The following CSMD1 variants were observed in gnomAD, a reference collection of about 807,000 sequenced individuals.
CSMD1 encodes the protein CUB and sushi domain-containing protein 1.
CSMD1 carries 213 observed loss-of-function variants against 417.5 expected under a neutral mutation model. The ratio of observed to expected loss-of-function variants is 0.51; its 90% CI spans 0.46 to 0.57. The LOEUF (loss-of-function observed/expected upper bound fraction) is 0.57. Among genes scored for constraint, CSMD1 ranks in the 20% least tolerant of loss-of-function variants. The pLI is 0.00. For synonymous variants in CSMD1, 2,862 were observed against 1,736.8 expected (o/e 1.65, Z -16.11); for missense variants, 6,923 against 4,529.7 (o/e 1.53, Z -15.17).
At chr8:3,187,826 C>T (rs1355466977) in intron 36 of CSMD1, 43 bp downstream of exon 36, 2 of 1,438,666 alleles carry the variant, frequency 1.4e-6, no homozygotes, top group African/African-American at 1.4e-5. Flanking sequence ...TTGGTGTTTG[C>T]AGATTTTGAG....
intron 3 of CSMD1, among the ~76,000 whole-genome samples, chr8:4,111,556 C>A (rs1227759668): frequency 6.6e-6 from 1 of 152,130 alleles, no homozygotes; most frequent in Non-Finnish European, 1.5e-5. Context: ...AAAGAAAATG[C>A]AGTTCACATA....
intron 25 of CSMD1, among the ~76,000 whole-genome samples, chr8:3,294,563 A>ATT (rs1365388262): frequency 9.3e-6 from 1 of 108,020 alleles, no homozygotes; most frequent in Non-Finnish European, 2.4e-5. Context: ...TTGCAGTTTG[A>ATT]TCTGACTGCT....
At chr8:4,226,501 A>C (rs555196773) in intron 3 of CSMD1, among the ~76,000 whole-genome samples, 2 of 152,212 alleles carry the variant, frequency 1.3e-5, no homozygotes, top group Non-Finnish European at 2.9e-5. Context: ...TTGCAGTAAC[A>C]GAACCTATAA....
At chr8:4,764,796 C>T (rs536201638) in intron 1 of CSMD1, among the ~76,000 whole-genome samples, 3 of 148,546 alleles carry the variant, frequency 2.0e-5, no homozygotes, top group Non-Finnish European at 4.4e-5. Context: ...TGGTGTGAAC[C>T]CAGGAGGCAG....
intron 25 of CSMD1, among the ~76,000 whole-genome samples, chr8:3,294,162 C>G (rs1803786939): frequency 6.6e-6 from 1 of 152,200 alleles, no homozygotes; most frequent in African/African-American, 2.4e-5. Flanking sequence ...ACAGCAAATG[C>G]TGCTGTCTGA....
intron 6 of CSMD1, among the ~76,000 whole-genome samples, chr8:3,746,352 G>A (rs1056089768): frequency 6.6e-6 from 1 of 152,202 alleles, no homozygotes. Flanking sequence ...GTATTAATCT[G>A]TTTTAAATAG....
chr8:3,750,971 G>T (rs1157215130), intron 6 of CSMD1, among the ~76,000 whole-genome samples: 2 of 152,100 alleles, frequency 1.3e-5, no homozygotes, highest in Non-Finnish European at 2.9e-5. Flanking sequence ...TCCTCCTTCT[G>T]ATGGGTCTTG....
At chr8:4,639,522 C>A (rs917372163) in intron 1 of CSMD1, among the ~76,000 whole-genome samples, 2 of 152,122 alleles carry the variant, frequency 1.3e-5, no homozygotes, top group Admixed American at 6.5e-5. Context: ...GTCTATGTTT[C>A]TTACCTTCTT....
intron 1 of CSMD1, among the ~76,000 whole-genome samples, chr8:4,804,792 A>G (rs1376871062): frequency 1.3e-5 from 2 of 152,346 alleles, no homozygotes; most frequent in South Asian, 2.1e-4. Context: ...GATACAATTT[A>G]TTCCTAGGGG....
chr8:3,670,597 A>C (rs1221046235), intron 7 of CSMD1, among the ~76,000 whole-genome samples: 2 of 147,824 alleles, frequency 1.4e-5, no homozygotes, highest in South Asian at 2.1e-4. Flanking sequence ...GGGGATATAT[A>C]TATTGCACAT....
At chr8:4,873,084 T>C (rs1184850241) in intron 1 of CSMD1, among the ~76,000 whole-genome samples, 2 of 152,120 alleles carry the variant, frequency 1.3e-5, no homozygotes, top group Non-Finnish European at 2.9e-5. Flanking sequence ...CGTATATGTA[T>C]ACATTGTAAC....
chr8:4,062,172 C>G (rs910015062), intron 3 of CSMD1, among the ~76,000 whole-genome samples: 3 of 152,104 alleles, frequency 2.0e-5, no homozygotes, highest in Non-Finnish European at 2.9e-5. Flanking sequence ...ACACGCAAGA[C>G]TTGCCAAGTG....
At chr8:4,165,741 C>G (rs1045438958) in intron 3 of CSMD1, among the ~76,000 whole-genome samples, 1 of 152,170 alleles carries the variant, frequency 6.6e-6, no homozygotes, top group African/African-American at 2.4e-5. Context: ...CACTAAGCAT[C>G]TCATCATTTC....
chr8:4,798,387 T>C (rs1798098684), intron 1 of CSMD1, among the ~76,000 whole-genome samples: 2 of 152,306 alleles, frequency 1.3e-5, no homozygotes, highest in East Asian at 1.9e-4. Context: ...TATATGTGCA[T>C]TTTTAATGAC....
chr8:3,885,196 GA>G (rs1207277876), intron 5 of CSMD1, among the ~76,000 whole-genome samples: 1 of 151,988 alleles, frequency 6.6e-6, no homozygotes, highest in Non-Finnish European at 1.5e-5. Flanking sequence ...TCACAGATCA[GA>G]AAAGTGGAAG....
intron 3 of CSMD1, among the ~76,000 whole-genome samples, chr8:4,064,278 G>A (rs555928448): frequency 2.4e-4 from 36 of 152,118 alleles, no homozygotes; most frequent in Non-Finnish European, 1.0e-4. Flanking sequence ...CTTTTTTATC[G>A]TACCATATTT....
chr8:3,335,639 G>C (rs1172483226), intron 23 of CSMD1, among the ~76,000 whole-genome samples: 1 of 152,144 alleles, frequency 6.6e-6, no homozygotes, highest in Non-Finnish European at 1.5e-5. Flanking sequence ...TCGTGCCATT[G>C]CACTCCAGCC....
At chr8:4,540,663 G>C (rs1384244085) in intron 2 of CSMD1, among the ~76,000 whole-genome samples, 2 of 152,146 alleles carry the variant, frequency 1.3e-5, no homozygotes, top group East Asian at 1.9e-4. Flanking sequence ...GTGTACAAAG[G>C]TCAGGAAAGG....
At chr8:3,428,163 T>C (rs1397626419) in intron 12 of CSMD1, among the ~76,000 whole-genome samples, 2 of 152,206 alleles carry the variant, frequency 1.3e-5, no homozygotes, top group Non-Finnish European at 2.9e-5. Flanking sequence ...AGTTCTAATT[T>C]CAACTATATG....
Sources: gnomAD v4.1 joint callset for allele counts (sites outside exome capture counted in the v4.1 genomes callset) on GRCh38, gnomAD v4.1.1 for gene constraint, MANE v1.5 for transcripts, NCBI Gene and HGNC (gene_info 2026-07-23, HGNC 2026-07-21) for gene names.